Variants in ERC1 observed in about 807,000 individuals in gnomAD.
ERC1 encodes ELKS/RAB6-interacting/CAST family member 1.
ERC1 carries 56 observed loss-of-function variants against 132.0 expected under a neutral mutation model. The observed-to-expected ratio is 0.42, with a 90% CI of 0.34 to 0.53. ERC1 has a LOEUF of 0.53. ERC1 is among the 20% of genes least tolerant of loss of function. ERC1 has a pLI of 0.03. For missense variants in ERC1, 1,202 were observed against 1,349.9 expected, an observed-to-expected ratio of 0.89 and a Z score of 1.72; for synonymous variants, 478 against 476.1, an observed-to-expected ratio of 1.00 and a Z score of -0.05.
chr12:1,484,291 G>C (rs542896319), intron 18 of ERC1, among the ~76,000 whole-genome samples: 4 of 150,750 alleles, frequency 2.7e-5, no homozygotes, highest in South Asian at 2.1e-4. Flanking sequence ...GTGACAGAGC[G>C]AGACTCCGTC....
Position 1,180,532 on chromosome 12 carries a change from A to G in ERC1, c.1738-8A>G. The G allele has an allele frequency of 6.2e-7, 1 of 1,612,708 alleles. No homozygotes were observed. Among genetic ancestry groups the G allele is most frequent in the Non-Finnish European group, 8.5e-7 (1 of 1,179,068 alleles). On this transcript the variant is annotated splice_region_variant and splice_polypyrimidine_tract_variant and intron_variant, in intron 8 of 18. Coordinates refer to ENST00000360905, the MANE Select transcript of ERC1 (RefSeq NM_178040.4). ...TCTCTTTTCCCTTAAATATTTATGT[A>G]CATTTAGATTGAAAATCTTCAAGAG... is the stretch of plus-strand genomic sequence containing the variant.
At chr12:1,379,002 T>C (rs1223232325) in intron 16 of ERC1, among the ~76,000 whole-genome samples, 1 of 152,226 alleles carries the variant, frequency 6.6e-6, no homozygotes, top group African/African-American at 2.4e-5. Context: ...ATTTAGGGAA[T>C]ATATTGTGTG....
chr12:1,259,832 A>G (rs901291818), intron 13 of ERC1, among the ~76,000 whole-genome samples: 6 of 152,096 alleles, frequency 3.9e-5, no homozygotes, highest in African/African-American at 1.2e-4. Flanking sequence ...TTTCTTGGGT[A>G]TCTATTCCCA....
intron 7 of ERC1, among the ~76,000 whole-genome samples, chr12:1,131,931 GT>G (rs1433504092): frequency 2.6e-5 from 4 of 152,284 alleles, no homozygotes; most frequent in African/African-American, 9.6e-5. Flanking sequence ...GGCGAATGCT[GT>G]TCCTGCAGCT....
chr12:1,264,137 C>T (rs1013641277), intron 14 of ERC1, among the ~76,000 whole-genome samples: 3 of 152,152 alleles, frequency 2.0e-5, no homozygotes, highest in Non-Finnish European at 4.4e-5. Flanking sequence ...GACATAGAAA[C>T]CATGCACTTG....
chr12:1,115,768 T>G, intron 6 of ERC1, 98 bp from the exon 7 acceptor site: 1 of 1,048,408 alleles, frequency 9.5e-7, no homozygotes, highest in Non-Finnish European at 1.4e-6. Context: ...TCGTGCTGCA[T>G]TTAGTTTCAT....
intron 14 of ERC1, among the ~76,000 whole-genome samples, chr12:1,277,670 A>G (rs1294707201): frequency 1.3e-5 from 2 of 152,182 alleles, no homozygotes; most frequent in African/African-American, 2.4e-5. Context: ...TGTCTTACAA[A>G]AAAAATAGAG....
At chr12:1,062,672 T>C (rs1333325874) in intron 2 of ERC1, among the ~76,000 whole-genome samples, 1 of 152,208 alleles carries the variant, frequency 6.6e-6, no homozygotes, top group Non-Finnish European at 1.5e-5. Context: ...ATGAGGAGAA[T>C]GTATATTCTG....
At chr12:1,222,908 G>C (rs1314578929) in intron 12 of ERC1, among the ~76,000 whole-genome samples, 1 of 152,186 alleles carries the variant, frequency 6.6e-6, no homozygotes, top group African/African-American at 2.4e-5. Context: ...TTTGCTAGGT[G>C]TTTAAGATAC....
chr12:1,129,366 G>C (rs1226327896), intron 7 of ERC1, among the ~76,000 whole-genome samples: 1 of 151,742 alleles, frequency 6.6e-6, no homozygotes, highest in South Asian at 2.1e-4. Context: ...GCAACAACAA[G>C]AAAAAAAACT....
At chr12:1,192,592 G>A (rs1310420440) in intron 12 of ERC1, among the ~76,000 whole-genome samples, 1 of 152,108 alleles carries the variant, frequency 6.6e-6, no homozygotes, top group Non-Finnish European at 1.5e-5. Flanking sequence ...TCTGCCCCTT[G>A]GCCATGGCTG....
At chr12:1,373,801 G>A (rs2052182) in intron 16 of ERC1, among the ~76,000 whole-genome samples, 1 of 54,752 alleles carries the variant, frequency 1.8e-5, no homozygotes, top group African/African-American at 1.7e-4. Flanking sequence ...AGAAAAGAAA[G>A]AAAAGAAAAG....
intron 2 of ERC1, among the ~76,000 whole-genome samples, chr12:1,068,629 G>A (rs543970779): frequency 2.5e-4 from 36 of 145,338 alleles, no homozygotes; most frequent in African/African-American, 8.9e-4. Flanking sequence ...TACCCTTGAA[G>A]CTCTGATTTT....
intron 18 of ERC1, among the ~76,000 whole-genome samples, chr12:1,461,918 AATAC>A (rs1467592486): frequency 6.6e-6 from 1 of 152,156 alleles, no homozygotes; most frequent in Admixed American, 6.5e-5. Context: ...ATATTCACTA[AATAC>A]ATACATACAC....
chr12:1,244,255 G>A (rs2076016581), intron 13 of ERC1, among the ~76,000 whole-genome samples: 1 of 152,082 alleles, frequency 6.6e-6, no homozygotes, highest in South Asian at 2.1e-4. Flanking sequence ...TATTTTTGGT[G>A]TGTCATAGAA....
intron 8 of ERC1, among the ~76,000 whole-genome samples, chr12:1,144,777 G>A (rs903852757): frequency 1.3e-5 from 2 of 151,294 alleles, no homozygotes; most frequent in South Asian, 2.1e-4. Context: ...TGTCTTTTTC[G>A]TATAATGCCT....
chr12:1,091,620 T>C (rs2154192054), intron 3 of ERC1, among the ~76,000 whole-genome samples: 1 of 152,310 alleles, frequency 6.6e-6, no homozygotes, highest in Admixed American at 6.5e-5. Context: ...ATCCATGCTG[T>C]CTTTGAGAAA....
chr12:1,410,765 C>G (rs2091798834), intron 17 of ERC1, among the ~76,000 whole-genome samples: 1 of 151,062 alleles, frequency 6.6e-6, no homozygotes, highest in Admixed American at 6.6e-5. Flanking sequence ...ATTAATTACC[C>G]TTTCTAGGGT....
At chr12:1,167,642 A>G (rs924902851) in intron 8 of ERC1, among the ~76,000 whole-genome samples, 19 of 151,690 alleles carry the variant, frequency 1.3e-4, no homozygotes, top group African/African-American at 4.6e-4. Flanking sequence ...AGTTTTTCAG[A>G]TTAGAAAAAT....
Sources: allele counts gnomAD v4.1 joint callset (sites outside exome capture counted in the v4.1 genomes callset), GRCh38; gene constraint gnomAD v4.1.1; transcripts MANE v1.5; gene names NCBI Gene and HGNC (gene_info 2026-07-23, HGNC 2026-07-21).